The following ZFPM2 variants were observed in gnomAD, a reference collection of about 807,000 sequenced individuals.
ZFPM2 encodes the protein zinc finger protein, FOG family member 2.
A neutral mutation model predicts 98.6 loss-of-function variants in ZFPM2; 20 were observed. The observed-to-expected ratio is 0.20, with a 90% CI of 0.14 to 0.29. The LOEUF is 0.29. Among genes scored for constraint, ZFPM2 ranks in the 10% least tolerant of loss-of-function variants. The probability of loss-of-function intolerance (pLI) is 1.00; values close to 1 mark genes in which losing one functional copy is unlikely to be tolerated. For synonymous variants in ZFPM2, 518 were observed against 502.7 expected (o/e 1.03, Z -0.41); for missense variants, 1,310 against 1,388.6 (o/e 0.94, Z 0.90).
At chr8:105,653,777 G>A (rs1438990738) in intron 5 of ZFPM2, among the ~76,000 whole-genome samples, 1 of 149,028 alleles carries the variant, frequency 6.7e-6, no homozygotes, top group Admixed American at 6.7e-5. Flanking sequence ...CACAGAGCAT[G>A]AGCGTATCAT....
chr8:105,654,035 C>G (rs527688454), intron 5 of ZFPM2, among the ~76,000 whole-genome samples: 1 of 151,890 alleles, frequency 6.6e-6, no homozygotes, highest in South Asian at 2.1e-4. Flanking sequence ...AATTGCAATG[C>G]TGCTTCTTTT....
chr8:105,472,887 A>AC (rs1305368602), intron 3 of ZFPM2, among the ~76,000 whole-genome samples: 1 of 95,898 alleles, frequency 1.0e-5, no homozygotes, highest in East Asian at 3.3e-4. Flanking sequence ...TCCTAAAGGG[A>AC]CCTTTTTTTT....
intron 4 of ZFPM2, among the ~76,000 whole-genome samples, chr8:105,602,289 G>A (rs557471448): frequency 2.0e-5 from 3 of 152,004 alleles, no homozygotes; most frequent in South Asian, 4.1e-4. Flanking sequence ...GAATATGAAA[G>A]CCTCATGAAA....
chr8:105,336,729 C>G (rs112172812), intron 1 of ZFPM2, among the ~76,000 whole-genome samples: 137 of 146,876 alleles, frequency 9.3e-4, no homozygotes, highest in African/African-American at 3.2e-3. Flanking sequence ...CACACACACA[C>G]AGACATATAC....
intron 2 of ZFPM2, among the ~76,000 whole-genome samples, chr8:105,432,328 A>G (rs544590880): frequency 6.6e-6 from 1 of 152,268 alleles, no homozygotes; most frequent in Non-Finnish European, 1.5e-5. Context: ...TCTGAGAGTC[A>G]TTCATCATTA....
chr8:105,797,077 T>A (rs1270432551), intron 6 of ZFPM2: 1 of 152,200 alleles, frequency 6.6e-6, no homozygotes, highest in Non-Finnish European at 1.5e-5. Flanking sequence ...TGACTTCTAG[T>A]CAGTTCTACT....
chr8:105,556,361 G>C (rs1471114194), intron 3 of ZFPM2, among the ~76,000 whole-genome samples: 1 of 152,150 alleles, frequency 6.6e-6, no homozygotes, highest in Non-Finnish European at 1.5e-5. Flanking sequence ...ATATGGACAT[G>C]CTCTTAGAAT....
At chr8:105,616,155 CA>C (rs1342611607) in intron 4 of ZFPM2, among the ~76,000 whole-genome samples, 1 of 151,630 alleles carries the variant, frequency 6.6e-6, no homozygotes, top group African/African-American at 2.4e-5. Context: ...ACTCAATGAC[CA>C]AAGCCTTTTC....
chr8:105,463,293 G>GTA (rs1428230052), intron 3 of ZFPM2, among the ~76,000 whole-genome samples: 115 of 151,408 alleles, frequency 7.6e-4, no homozygotes, highest in African/African-American at 2.4e-3. Flanking sequence ...ATATGTGTGT[G>GTA]TGTATATATA....
rs1810766205 is a variant in ZFPM2 at position 105,687,385 on chromosome 8, C to T, written c.532+53028C>T. Among the ~76,000 whole-genome samples the T allele has an allele frequency of 2.0e-5, 3 of 152,232 alleles. No homozygotes were observed. In the South Asian group the frequency reaches 6.2e-4, roughly 32 times the overall value. ...TACATTTGTAAGAGAATCTTGTCATCTCAGGGAAATGTATTAATAAAACCC... is the reference window on the plus strand; with the variant it reads ...TACATTTGTAAGAGAATCTTGTCATTTCAGGGAAATGTATTAATAAAACCC... On this transcript the variant is annotated intron_variant, in intron 5 of 7. Transcript: ENST00000407775.
At chr8:105,727,365 A>AATAAATAC (rs1030689019) in intron 5 of ZFPM2, among the ~76,000 whole-genome samples, 1 of 151,680 alleles carries the variant, frequency 6.6e-6, no homozygotes, top group Non-Finnish European at 1.5e-5. Flanking sequence ...TAAATAAATA[A>AATAAATAC]ATAAATACAT....
intron 1 of ZFPM2, among the ~76,000 whole-genome samples, chr8:105,379,987 TGC>T (rs1431326088): frequency 6.6e-6 from 1 of 152,110 alleles, no homozygotes; most frequent in Non-Finnish European, 1.5e-5. Context: ...TGAGAGTGCC[TGC>T]GCATATAGGA....
intron 5 of ZFPM2, among the ~76,000 whole-genome samples, chr8:105,787,856 A>T (rs1813465889): frequency 6.6e-6 from 1 of 152,228 alleles, no homozygotes; most frequent in Admixed American, 6.5e-5. Context: ...GCCTGTCTAA[A>T]CATGTTAAAT....
chr8:105,675,325 G>A (rs1237016709), intron 5 of ZFPM2, among the ~76,000 whole-genome samples: 4 of 152,118 alleles, frequency 2.6e-5, no homozygotes, highest in Non-Finnish European at 5.9e-5. Context: ...CTGAGAATTT[G>A]ACCAAGTCAA....
chr8:105,391,918 TG>T (rs543190848), intron 1 of ZFPM2, among the ~76,000 whole-genome samples: 120 of 152,350 alleles, frequency 7.9e-4, no homozygotes, highest in African/African-American at 2.8e-3. Context: ...GAATTCTTAA[TG>T]GCATCTAGAA....
intron 5 of ZFPM2, among the ~76,000 whole-genome samples, chr8:105,714,107 A>G (rs1811464014): frequency 6.6e-6 from 1 of 152,002 alleles, no homozygotes; most frequent in Non-Finnish European, 1.5e-5. Flanking sequence ...ATGTTTTTCC[A>G]TATGTTTGAT....
At chr8:105,630,805 C>T (rs1173025220) in intron 4 of ZFPM2, among the ~76,000 whole-genome samples, 1 of 152,124 alleles carries the variant, frequency 6.6e-6, no homozygotes, top group African/African-American at 2.4e-5. Context: ...ATGCTTACCT[C>T]AATAGCCAAC....
At chr8:105,450,347 C>T (rs892593783) in intron 3 of ZFPM2, among the ~76,000 whole-genome samples, 4 of 152,028 alleles carry the variant, frequency 2.6e-5, no homozygotes, top group East Asian at 1.9e-4. Context: ...GTTCTGATTT[C>T]GTTTCCTTTT....
intron 1 of ZFPM2, among the ~76,000 whole-genome samples, chr8:105,346,366 A>G (rs1009291524): frequency 2.6e-5 from 4 of 151,872 alleles, no homozygotes; most frequent in Non-Finnish European, 4.4e-5. Context: ...CCTGGGCAAT[A>G]AGAGCGAAAC....
Sources: allele counts gnomAD v4.1 joint callset (sites outside exome capture counted in the v4.1 genomes callset), GRCh38; gene constraint gnomAD v4.1.1; transcripts MANE v1.5; gene names NCBI Gene and HGNC (gene_info 2026-07-23, HGNC 2026-07-21).